The following EDIL3 variants were observed in gnomAD, a reference collection of about 807,000 sequenced individuals.
EDIL3 encodes the protein EGF-like repeat and discoidin I-like domain-containing protein 3.
In EDIL3, 37 loss-of-function variants were observed where a neutral mutation model predicts 67.4. That is an observed-to-expected ratio of 0.55 (90% CI 0.42 to 0.72). The LOEUF (loss-of-function observed/expected upper bound fraction) is 0.72, where lower values mean the gene tolerates loss of function less well. Among genes scored for constraint, EDIL3 ranks in the 30% least tolerant of loss-of-function variants. The probability of loss-of-function intolerance (pLI) is 0.00; values close to 1 mark genes in which losing one functional copy is unlikely to be tolerated. For synonymous variants in EDIL3, 195 were observed against 196.3 expected, an observed-to-expected ratio of 0.99 and a Z score of 0.05; for missense variants, 527 against 586.3, an observed-to-expected ratio of 0.90 and a Z score of 1.04.
Position 84,312,409 on chromosome 5 carries a change from G to A in EDIL3, c.68-58197C>T, listed in dbSNP as rs1433806046. 2.0e-3 allele frequency among the ~76,000 whole-genome samples: 280 copies of A among 139,944 alleles called. 1 individual carries two copies. Among genetic ancestry groups the A allele is most frequent in the African/African-American group, 7.1e-3 (268 of 37,706 alleles). 91.8% of individuals were successfully genotyped at this position (139,944 alleles called of 152,430 possible). Reference sequence around the variant, plus strand: ...TGACTCCCCCACCACCCTCCCGGACGGGGCGGCTGGCCGGGCAGAGGGGCT... The same window carrying A: ...TGACTCCCCCACCACCCTCCCGGACAGGGCGGCTGGCCGGGCAGAGGGGCT... On this transcript the variant is annotated intron_variant, in intron 1 of 10. Transcript: ENST00000296591.
chr5:84,106,394 A>G (rs967371428), intron 6 of EDIL3, among the ~76,000 whole-genome samples: 17 of 148,408 alleles, frequency 1.1e-4, no homozygotes, highest in Non-Finnish European at 7.6e-5. Flanking sequence ...TCCTGCTTTG[A>G]TATGCACCTT....
intron 4 of EDIL3, among the ~76,000 whole-genome samples, chr5:84,166,944 A>C (rs1192751680): frequency 6.6e-6 from 1 of 152,142 alleles, no homozygotes; most frequent in Non-Finnish European, 1.5e-5. Flanking sequence ...AGCAAGGTGG[A>C]GTATAGTTGG....
At chr5:84,228,200 A>C (rs1265455390) in intron 3 of EDIL3, among the ~76,000 whole-genome samples, 1 of 152,052 alleles carries the variant, frequency 6.6e-6, no homozygotes, top group Admixed American at 6.6e-5. Context: ...TCAAAAAAAA[A>C]GTTAACAGGG....
At chr5:84,235,519 T>C (rs888826876) in intron 2 of EDIL3, among the ~76,000 whole-genome samples, 2 of 152,052 alleles carry the variant, frequency 1.3e-5, no homozygotes, top group African/African-American at 4.8e-5. Flanking sequence ...ATATATTGAA[T>C]TTTTATTAGT....
Position 84,262,659 on chromosome 5 carries a change from G to GTTTTTTTTTTTTTTTTTT in EDIL3, c.68-8465_68-8448dup, listed in dbSNP as rs773035274. Among the ~76,000 whole-genome samples the GTTTTTTTTTTTTTTTTTT allele has an allele frequency of 3.4e-3, 156 of 46,318 alleles. 58 individuals are homozygous for GTTTTTTTTTTTTTTTTTT. The highest frequency in any genetic ancestry group is 5.1e-3 in the African/African-American group (59 of 11,474). The allele number at this position is 46,318 out of a possible 152,430, so 30.4% of individuals were successfully genotyped here. ...AAACTACAATTCCCAAGGTTGGTTG[G>GTTTTTTTTTTTTTTTTTT]TTTTTTTTTTTTTTTTTTTTTTTTT... On this transcript the variant is annotated intron_variant, in intron 1 of 10. Transcript: ENST00000296591.
intron 1 of EDIL3, among the ~76,000 whole-genome samples, chr5:84,283,619 G>T (rs2112110084): frequency 6.6e-6 from 1 of 152,186 alleles, no homozygotes; most frequent in Admixed American, 6.5e-5. Context: ...TAACCATATT[G>T]AACACGACTA....
At chr5:84,084,795 T>C (rs1443828422) in intron 6 of EDIL3, among the ~76,000 whole-genome samples, 4 of 152,124 alleles carry the variant, frequency 2.6e-5, no homozygotes, top group Non-Finnish European at 1.5e-5. Context: ...TTATAAATGA[T>C]AGAGGAACAA....
chr5:84,308,107 CA>C (rs1171791829), intron 1 of EDIL3, among the ~76,000 whole-genome samples: 1 of 151,478 alleles, frequency 6.6e-6, no homozygotes, highest in Non-Finnish European at 1.5e-5. Context: ...GGATCACCTA[CA>C]AAACTCAGTG....
chr5:84,244,043 G>A (rs1048250304), intron 2 of EDIL3, among the ~76,000 whole-genome samples: 3 of 152,096 alleles, frequency 2.0e-5, no homozygotes, highest in Non-Finnish European at 2.9e-5. Context: ...TATGGCTCCG[G>A]GGAATGTGGC....
At chr5:84,138,950 A>T (rs527901385) in intron 4 of EDIL3, among the ~76,000 whole-genome samples, 9 of 152,318 alleles carry the variant, frequency 5.9e-5, no homozygotes, top group Non-Finnish European at 1.0e-4. Context: ...GTAAAGTATG[A>T]TAGACTCAGC....
chr5:84,084,663 A>G (rs1747037784), intron 6 of EDIL3, among the ~76,000 whole-genome samples: 1 of 152,178 alleles, frequency 6.6e-6, no homozygotes, highest in Non-Finnish European at 1.5e-5. Context: ...TTGCCTGTCT[A>G]CAGAGTCCAA....
intron 4 of EDIL3, among the ~76,000 whole-genome samples, chr5:84,153,105 T>C (rs923268230): frequency 7.2e-5 from 11 of 152,148 alleles, no homozygotes; most frequent in Admixed American, 5.9e-4. Context: ...TCATTACCAA[T>C]AGCTAACATT....
At chr5:84,325,178 C>A (rs759020650) in intron 1 of EDIL3, among the ~76,000 whole-genome samples, 47 of 151,580 alleles carry the variant, frequency 3.1e-4, no homozygotes, top group Admixed American at 1.4e-3. Context: ...ATTCTATCAG[C>A]GGAGAATTTT....
chr5:84,094,349 A>C (rs563768163), intron 6 of EDIL3, among the ~76,000 whole-genome samples: 1 of 152,316 alleles, frequency 6.6e-6, no homozygotes, highest in African/African-American at 2.4e-5. Flanking sequence ...ATTAGCTTTA[A>C]AGAGGTGTAT....
At chr5:84,075,896 A>G (rs1266785807) in intron 6 of EDIL3, among the ~76,000 whole-genome samples, 10 of 146,056 alleles carry the variant, frequency 6.8e-5, no homozygotes, top group South Asian at 6.4e-4. Context: ...GCACGCACAC[A>G]CACACACACA....
intron 2 of EDIL3, among the ~76,000 whole-genome samples, chr5:84,238,973 C>T (rs969537184): frequency 2.0e-5 from 3 of 152,004 alleles, no homozygotes; most frequent in African/African-American, 7.2e-5. Flanking sequence ...TTAATTTCTA[C>T]CCTTCTAACA....
chr5:84,050,826 T>C (rs1414757442), intron 9 of EDIL3, among the ~76,000 whole-genome samples: 3 of 152,186 alleles, frequency 2.0e-5, no homozygotes, highest in Non-Finnish European at 4.4e-5. Flanking sequence ...AAGCTTGAAC[T>C]GGGTGAAGCC....
At chr5:84,207,138 C>T (rs1000615850) in intron 3 of EDIL3, among the ~76,000 whole-genome samples, 8 of 152,020 alleles carry the variant, frequency 5.3e-5, no homozygotes, top group East Asian at 1.9e-4. Context: ...ATTGTATATC[C>T]AGAAAACCCC....
intron 9 of EDIL3, among the ~76,000 whole-genome samples, chr5:83,964,724 C>T (rs1259732696): frequency 1.3e-5 from 2 of 152,026 alleles, no homozygotes; most frequent in African/African-American, 2.4e-5. Flanking sequence ...GTGTTAAAGC[C>T]TTTAGACTCA....
Sources: allele counts gnomAD v4.1 joint callset (sites outside exome capture counted in the v4.1 genomes callset), GRCh38; gene constraint gnomAD v4.1.1; transcripts MANE v1.5; gene names NCBI Gene and HGNC (gene_info 2026-07-23, HGNC 2026-07-21).